The following UBTD1 variants were observed in gnomAD, a reference collection of about 807,000 sequenced individuals.
UBTD1 encodes the protein ubiquitin domain containing 1, also known as ubiquitin domain-containing protein 1.
UBTD1 carries 19 observed loss-of-function variants against 21.7 expected under a neutral mutation model. The ratio of observed to expected loss-of-function variants is 0.87; its 90% CI spans 0.61 to 1.28. The LOEUF is 1.28. Ranked by LOEUF, UBTD1 falls within the 50% of genes most tolerant of loss-of-function variation. The pLI is 0.00. For synonymous variants in UBTD1, 116 were observed against 135.1 expected (o/e 0.86, Z 0.98); for missense variants, 282 against 315.1 (o/e 0.89, Z 0.80).
At chr10:97,529,548 G>A (rs867651835) in intron 1 of UBTD1, among the ~76,000 whole-genome samples, 12 of 152,258 alleles carry the variant, frequency 7.9e-5, no homozygotes, top group South Asian at 2.1e-4. Flanking sequence ...GATCACTCGC[G>A]GTTAGGAGCT....
chr10:97,506,334 T>C (rs1215119360), intron 1 of UBTD1, among the ~76,000 whole-genome samples: 1 of 152,246 alleles, frequency 6.6e-6, no homozygotes, highest in East Asian at 1.9e-4. Flanking sequence ...CCACGGGGCT[T>C]GTGAGACTCT....
chr10:97,561,547 G>A (rs1010560456), intron 1 of UBTD1, among the ~76,000 whole-genome samples: 3 of 152,082 alleles, frequency 2.0e-5, no homozygotes, highest in East Asian at 3.9e-4. Flanking sequence ...TGCATGCACC[G>A]GTGGTCAGAG....
intron 2 of UBTD1, among the ~76,000 whole-genome samples, chr10:97,568,560 T>C (rs1035152111): frequency 2.0e-5 from 3 of 151,966 alleles, no homozygotes; most frequent in Non-Finnish European, 4.4e-5. Context: ...TAGCTGGGAT[T>C]ACAGGCATGT....
At chr10:97,535,689 G>A (rs889998240) in intron 1 of UBTD1, among the ~76,000 whole-genome samples, 1 of 152,106 alleles carries the variant, frequency 6.6e-6, no homozygotes, top group Non-Finnish European at 1.5e-5. Flanking sequence ...GGCACCATGG[G>A]AGGATCACTT....
At chr10:97,538,204 T>C (rs1014039574) in intron 1 of UBTD1, among the ~76,000 whole-genome samples, 1 of 151,986 alleles carries the variant, frequency 6.6e-6, no homozygotes, top group African/African-American at 2.4e-5. Context: ...AAAATTTACA[T>C]ATATTGGCCA....
chr10:97,514,885 G>A (rs964226802), intron 1 of UBTD1, among the ~76,000 whole-genome samples: 1 of 152,196 alleles, frequency 6.6e-6, no homozygotes, highest in Non-Finnish European at 1.5e-5. Flanking sequence ...TATGTCCTGG[G>A]GTCCTAGAGG....
In UBTD1 at chr10:97,509,694, A is replaced by G. The variant is rs188702184; in HGVS notation, c.70+10421A>G. On this transcript the variant is annotated intron_variant, in intron 1 of 2. Coordinates refer to ENST00000370664, the MANE Select transcript of UBTD1 (RefSeq NM_024954.5). ...GAGACGGAGTCCTGCTCTGTTGCTC[A>G]GGCTGGAGTGCAATGGCATGATCTC... is the stretch of plus-strand genomic sequence containing the variant. Among the ~76,000 whole-genome samples the G allele has an allele frequency of 4.2e-3, 644 of 152,264 alleles. 8 individuals carry two copies. The highest frequency in any genetic ancestry group is 0.015 in the African/African-American group (614 of 41,540).
intron 1 of UBTD1, among the ~76,000 whole-genome samples, chr10:97,500,572 T>C (rs1589865005): frequency 6.6e-6 from 1 of 152,246 alleles, no homozygotes; most frequent in African/African-American, 2.4e-5. Flanking sequence ...TCAACAAATA[T>C]GTGTTCAGGC....
chr10:97,519,563 GGA>G (rs1013151673), intron 1 of UBTD1, among the ~76,000 whole-genome samples: 2 of 152,218 alleles, frequency 1.3e-5, no homozygotes, highest in East Asian at 1.9e-4. Flanking sequence ...TGTCAACTGG[GGA>G]GAGAGAGGGA....
intron 1 of UBTD1, among the ~76,000 whole-genome samples, chr10:97,546,453 C>T (rs750657697): frequency 4.6e-5 from 7 of 151,688 alleles, no homozygotes; most frequent in Non-Finnish European, 8.8e-5. Context: ...AGCCGAATGT[C>T]GTGGTGCACA....
intron 1 of UBTD1, among the ~76,000 whole-genome samples, chr10:97,524,539 C>T (rs1184308178): frequency 6.6e-6 from 1 of 152,144 alleles, no homozygotes; most frequent in Non-Finnish European, 1.5e-5. Context: ...TTGAGGACTA[C>T]GATGACTTAT....
At chr10:97,514,336 A>ATG (rs554208493) in intron 1 of UBTD1, among the ~76,000 whole-genome samples, 320 of 152,082 alleles carry the variant, frequency 2.1e-3, no homozygotes, top group Middle Eastern at 3.4e-3. Flanking sequence ...ATTGTCTCAA[A>ATG]AGCTTGTTCC....
At chr10:97,545,411 G>GTGTGTGT (rs1564741809) in intron 1 of UBTD1, among the ~76,000 whole-genome samples, 1 of 38,084 alleles carries the variant, frequency 2.6e-5, no homozygotes, top group Non-Finnish European at 5.9e-5. Flanking sequence ...TGTGTGTGTG[G>GTGTGTGT]GTGTGGGTGT....
chr10:97,530,838 T>A (rs1392008963), intron 1 of UBTD1, among the ~76,000 whole-genome samples: 1 of 151,956 alleles, frequency 6.6e-6, no homozygotes, highest in Non-Finnish European at 1.5e-5. Flanking sequence ...ATGTTTTTCC[T>A]TTTTATGTTT....
rs1457083416 is a variant in UBTD1 at position 97,499,207 on chromosome 10, G to C, written c.4G>C (p.Gly2Arg). ...GGGGACTGGCTGAGGAGCCAGCATG[G>C]GCAACTGCGTGGGGAGACAGCGCCG... M[G>R]NCVGRQRRER... The change falls in exon 1 of 3, where the codon GGC becomes CGC. Residue 2 changes from glycine (G) to arginine (R), a missense_variant. Physicochemically the swap from Gly to Arg is moderately radical, Grantham distance 125 (BLOSUM62 -2). Coordinates refer to ENST00000370664, the MANE Select transcript of UBTD1 (RefSeq NM_024954.5). The C allele has an allele frequency of 6.5e-7, 1 of 1,546,496 alleles. No homozygotes were observed. Among genetic ancestry groups the C allele is most frequent in the Non-Finnish European group, 8.7e-7 (1 of 1,145,222 alleles).
chr10:97,545,409 TGGGTGTGG>T (rs2040605764), intron 1 of UBTD1, among the ~76,000 whole-genome samples: 1 of 68,790 alleles, frequency 1.5e-5, no homozygotes, highest in African/African-American at 5.4e-5. Context: ...TGTGTGTGTG[TGGGTGTGG>T]GTGTGTGTGT....
chr10:97,559,423 G>A (rs2040681359), intron 1 of UBTD1, among the ~76,000 whole-genome samples: 1 of 152,182 alleles, frequency 6.6e-6, no homozygotes, highest in South Asian at 2.1e-4. Context: ...TGTCTTAATT[G>A]CCAAAGTTTG....
At chr10:97,500,591 TG>T (rs2040369557) in intron 1 of UBTD1, among the ~76,000 whole-genome samples, 1 of 152,212 alleles carries the variant, frequency 6.6e-6, no homozygotes, top group Non-Finnish European at 1.5e-5. Context: ...GCCCCATAAT[TG>T]ATTTTGCAGC....
In UBTD1 at chr10:97,567,975, C is replaced by T. The variant is rs745539424; in HGVS notation, c.132C>T (p.Asp44=). The change falls in exon 2 of 3, where the codon GAC becomes GAT. Residue 44 remains aspartate, a synonymous_variant. Transcript: ENST00000370664. ...LKWKSDYPMT[D]GQLRSKRDEF... ...GGAAGAGCGACTACCCCATGACTGA[C>T]GGGCAGCTGCGGAGCAAACGGGATG... 40 of 1,614,008 alleles carry T rather than the reference C, an allele frequency of 2.5e-5. No homozygotes were observed. Among genetic ancestry groups the T allele is most frequent in the Middle Eastern group, 1.6e-4 (1 of 6,084 alleles).
Sources: gnomAD v4.1 joint callset for allele counts (sites outside exome capture counted in the v4.1 genomes callset) on GRCh38, gnomAD v4.1.1 for gene constraint, MANE v1.5 for transcripts, NCBI Gene and HGNC (gene_info 2026-07-23, HGNC 2026-07-21) for gene names.